TRPM6: variants seen among roughly 807,000 people sequenced by gnomAD.
The protein encoded by TRPM6 is channel kinase 2.
A neutral mutation model predicts 247.6 loss-of-function variants in TRPM6; 111 were observed. That is an observed-to-expected ratio of 0.45 (90% CI 0.38 to 0.52). TRPM6 has a LOEUF of 0.52. Ranked by LOEUF, TRPM6 falls within the 20% of genes least tolerant of loss-of-function variation. TRPM6 has a pLI of 0.00. For missense variants in TRPM6, 2,126 were observed against 2,421.5 expected, an observed-to-expected ratio of 0.88 and a Z score of 2.56; for synonymous variants, 892 against 853.8, an observed-to-expected ratio of 1.04 and a Z score of -0.78.
At chr9:74,870,641 G>T (rs530064162) in intron 1 of TRPM6, among the ~76,000 whole-genome samples, 1 of 151,992 alleles carries the variant, frequency 6.6e-6, no homozygotes, top group Non-Finnish European at 1.5e-5. Context: ...GGCACTCCAC[G>T]GGCTGGGCGC....
At chr9:74,879,027 T>C (rs1831277227) in intron 1 of TRPM6, among the ~76,000 whole-genome samples, 2 of 152,056 alleles carry the variant, frequency 1.3e-5, no homozygotes, top group African/African-American at 4.8e-5. Flanking sequence ...AAAAGTTTTA[T>C]TTAAAAAGCT....
chr9:74,811,402 A>G (rs541360750), intron 12 of TRPM6, among the ~76,000 whole-genome samples: 2 of 152,302 alleles, frequency 1.3e-5, no homozygotes, highest in Admixed American at 6.5e-5. Flanking sequence ...AGAAGACAAG[A>G]CTTGAATAAA....
chr9:74,748,595 A>C (rs951812215), intron 30 of TRPM6, among the ~76,000 whole-genome samples: 2 of 152,210 alleles, frequency 1.3e-5, no homozygotes, highest in African/African-American at 2.4e-5. Context: ...ATTTTTAAAA[A>C]GTGTAAGAAG....
chr9:74,731,854 A>G (rs1825532801), intron 37 of TRPM6, among the ~76,000 whole-genome samples: 1 of 152,114 alleles, frequency 6.6e-6, no homozygotes, highest in Non-Finnish European at 1.5e-5. Context: ...CTTGTAAGAA[A>G]TGCAGATTAT....
In TRPM6 at chr9:74,796,859, A is replaced by G. The variant is rs751230323; in HGVS notation, c.2273T>C (p.Leu758Ser). The G allele has an allele frequency of 1.9e-6, 3 of 1,613,836 alleles. No homozygotes were observed. Among genetic ancestry groups the G allele is most frequent in the African/African-American group, 1.3e-5 (1 of 74,934 alleles). The stretch of plus-strand genomic sequence containing the variant: ...AGCTTTGCTTTTAAATTCCAGTGTC[A>G]AAATGGTGGGTGGTAAAATAATGCT... ...IISIILPPTI[L>S]TLEFKSKAEM... The change falls in exon 18 of 39, where the codon TTG becomes TCG. Residue 758 changes from leucine (L) to serine (S), a missense_variant. By Grantham distance (145) the Leu-to-Ser change is moderately radical. This residue lies in a region of TRPM6 where 1,082 missense variants were observed against 1,307.9 expected (regional missense o/e 0.83). Transcript: ENST00000360774.
chr9:74,775,455 A>G (rs1476728739), intron 24 of TRPM6, among the ~76,000 whole-genome samples: 6 of 152,186 alleles, frequency 3.9e-5, no homozygotes, highest in Non-Finnish European at 7.4e-5. Flanking sequence ...GTTAAAGCCC[A>G]GCTTTGCTTA....
chr9:74,798,622 C>G (rs896701041), intron 17 of TRPM6, among the ~76,000 whole-genome samples: 13 of 152,140 alleles, frequency 8.5e-5, no homozygotes, highest in Non-Finnish European at 1.8e-4. Context: ...CCATCCACAT[C>G]TCTCTACATG....
intron 1 of TRPM6, among the ~76,000 whole-genome samples, chr9:74,859,359 C>A (rs1229527029): frequency 6.6e-6 from 1 of 152,214 alleles, no homozygotes; most frequent in East Asian, 1.9e-4. Flanking sequence ...CATATCATAG[C>A]CAAGCTCCTC....
chr9:74,837,106 A>T (rs1344892100), intron 5 of TRPM6, among the ~76,000 whole-genome samples: 1 of 152,238 alleles, frequency 6.6e-6, no homozygotes, highest in East Asian at 1.9e-4. Context: ...CACCTATCCA[A>T]ATGCTTTTCA....
rs543581037 is a variant in TRPM6, at chr9:74,865,955, A to C, written c.34-7207T>G. 2.6e-5 allele frequency among the ~76,000 whole-genome samples: 4 copies of C among 152,172 alleles called. No homozygotes were observed. The South Asian group carries it at 8.3e-4, about 32-fold the overall frequency. ...ACTGGGGAAAATATACTGTTAAATA[A>C]TTGACTTTTAGGAAACTTACCAACC... On this transcript the variant is annotated intron_variant, in intron 1 of 38. Coordinates refer to ENST00000360774, the MANE Select transcript of TRPM6 (RefSeq NM_017662.5).
At chr9:74,728,910 G>A (rs1825426630) in intron 37 of TRPM6, among the ~76,000 whole-genome samples, 1 of 152,132 alleles carries the variant, frequency 6.6e-6, no homozygotes, top group South Asian at 2.1e-4. Context: ...GGCTTTTTGT[G>A]GAAAGACAAG....
At chr9:74,770,010 T>C (rs979047567) in intron 25 of TRPM6, among the ~76,000 whole-genome samples, 1 of 152,306 alleles carries the variant, frequency 6.6e-6, no homozygotes, top group African/African-American at 2.4e-5. Flanking sequence ...GAGAAATTCA[T>C]ATAACTATGG....
At chr9:74,750,520 C>A in intron 30 of TRPM6, 144 bp downstream of exon 30, 1 of 764,410 alleles carries the variant, frequency 1.3e-6, no homozygotes, top group Non-Finnish European at 2.2e-6. Flanking sequence ...AAATCATTTT[C>A]ATTCTGCTAA....
chr9:74,746,388 T>C (rs1245745370), intron 31 of TRPM6, among the ~76,000 whole-genome samples: 8 of 152,172 alleles, frequency 5.3e-5, no homozygotes, highest in Non-Finnish European at 7.3e-5. Context: ...ACTGGGAGGA[T>C]AGAGTTGCCA....
At chr9:74,804,617 G>C in intron 14 of TRPM6, 1 of 748,420 alleles carries the variant, frequency 1.3e-6, no homozygotes, top group Non-Finnish European at 2.4e-6. Flanking sequence ...CTCAGCCTGA[G>C]GTTACAAACT....
Position 74,722,631 on chromosome 9 carries a change from G to C in TRPM6, c.*1982C>G, listed in dbSNP as rs187184389. On this transcript the variant is annotated 3_prime_UTR_variant, in exon 39 of 39. Coordinates refer to ENST00000360774, the MANE Select transcript of TRPM6 (RefSeq NM_017662.5). ...TTCCATAGTTGAGTGCAGCACTGAG[G>C]TGAGTACCAATTGTTCCTTTACTGA... is the stretch of plus-strand genomic sequence containing the variant. The C allele has an allele frequency of 4.6e-5, 7 of 152,284 alleles. No individual in the cohort carries two copies. Among genetic ancestry groups the C allele is most frequent in the Admixed American group, 2.6e-4 (4 of 15,304 alleles). 9.4% of individuals were successfully genotyped at this position (152,284 alleles called of 1,614,324 possible).
chr9:74,812,521 C>T (rs530839867), intron 11 of TRPM6, 88 bp from the exon 12 acceptor site: 2 of 1,078,732 alleles, frequency 1.9e-6, no homozygotes, highest in East Asian at 5.8e-5. Context: ...CAAAATTACA[C>T]AAACACAATA....
chr9:74,788,978 G>A (rs982967067), intron 19 of TRPM6, among the ~76,000 whole-genome samples: 2 of 152,206 alleles, frequency 1.3e-5, no homozygotes, highest in African/African-American at 2.4e-5. Flanking sequence ...ATGCATGGAA[G>A]GACACATTGT....
chr9:74,851,504 T>C (rs1188853459), intron 3 of TRPM6, among the ~76,000 whole-genome samples: 1 of 151,958 alleles, frequency 6.6e-6, no homozygotes, highest in East Asian at 1.9e-4. Flanking sequence ...TCCCAGCACT[T>C]TGGGAGGCTG....
Sources: allele counts gnomAD v4.1 joint callset (sites outside exome capture counted in the v4.1 genomes callset), GRCh38; gene constraint gnomAD v4.1.1; regional missense constraint gnomAD v4.1.1; transcripts MANE v1.5; gene names NCBI Gene and HGNC (gene_info 2026-07-23, HGNC 2026-07-21).